UBE2QL1: variants seen among roughly 807,000 people sequenced by gnomAD.
UBE2QL1 encodes ubiquitin conjugating enzyme E2 QL1, also known as ubiquitin-conjugating enzyme E2Q-like protein 1.
Under a neutral mutation model 12.6 loss-of-function variants are expected in UBE2QL1, and 5 were observed. That is an observed-to-expected ratio of 0.40 (90% CI 0.21 to 0.83). The LOEUF (loss-of-function observed/expected upper bound fraction) is 0.83. Ranked by LOEUF, UBE2QL1 falls within the 40% of genes least tolerant of loss-of-function variation. The pLI is 0.37. For missense variants in UBE2QL1, 99 were observed against 222.6 expected (o/e 0.44, Z 3.53); for synonymous variants, 96 against 94.5 (o/e 1.02, Z -0.10).
chr5:6,461,536 A>ACCCCCC (rs1489545549), intron 1 of UBE2QL1, among the ~76,000 whole-genome samples: 7 of 36,218 alleles, frequency 1.9e-4, no homozygotes, highest in Non-Finnish European at 3.4e-4. Flanking sequence ...GTTTTTCAGC[A>ACCCCCC]CCCACCACCC....
intron 1 of UBE2QL1, among the ~76,000 whole-genome samples, chr5:6,470,229 C>T (rs1366241937): frequency 6.6e-6 from 1 of 152,156 alleles, no homozygotes; most frequent in Non-Finnish European, 1.5e-5. Context: ...CATGTGTGTC[C>T]AGGCCTGCAA....
intron 1 of UBE2QL1, among the ~76,000 whole-genome samples, chr5:6,472,161 G>T (rs1560932870): frequency 6.6e-6 from 1 of 152,196 alleles, no homozygotes; most frequent in South Asian, 2.1e-4. Context: ...GTCACTGTGT[G>T]TGTGTCTGGC....
intron 1 of UBE2QL1, among the ~76,000 whole-genome samples, chr5:6,452,815 A>C (rs1739435521): frequency 6.6e-6 from 1 of 152,168 alleles, no homozygotes; most frequent in African/African-American, 2.4e-5. Context: ...GCGTGGGACG[A>C]TGGCGTGACT....
At chr5:6,463,323 TG>T (rs958567911) in intron 1 of UBE2QL1, among the ~76,000 whole-genome samples, 1 of 152,082 alleles carries the variant, frequency 6.6e-6, no homozygotes, top group Non-Finnish European at 1.5e-5. Context: ...AAAGAAAGGC[TG>T]GGGAAAGAAT....
chr5:6,451,914 G>T (rs1159517772), intron 1 of UBE2QL1, among the ~76,000 whole-genome samples: 1 of 152,186 alleles, frequency 6.6e-6, no homozygotes, highest in African/African-American at 2.4e-5. Flanking sequence ...CAAAATACCT[G>T]ATTAGGTATT....
At chr5:6,469,033 C>T (rs565223658) in intron 1 of UBE2QL1, among the ~76,000 whole-genome samples, 3 of 152,328 alleles carry the variant, frequency 2.0e-5, no homozygotes, top group Admixed American at 6.5e-5. Flanking sequence ...ACCAGCCCGC[C>T]GCCTCTGCAT....
At chr5:6,452,119 G>A (rs1560926110) in intron 1 of UBE2QL1, among the ~76,000 whole-genome samples, 1 of 152,166 alleles carries the variant, frequency 6.6e-6, no homozygotes, top group South Asian at 2.1e-4. Flanking sequence ...GTGAATTGAG[G>A]ATACGCTGTT....
intron 1 of UBE2QL1, among the ~76,000 whole-genome samples, chr5:6,484,112 A>T (rs1734418556): frequency 6.6e-6 from 1 of 152,142 alleles, no homozygotes; most frequent in South Asian, 2.1e-4. Flanking sequence ...GTCATGGGGG[A>T]TGCATATGAA....
intron 1 of UBE2QL1, among the ~76,000 whole-genome samples, chr5:6,457,846 C>T (rs769197450): frequency 6.6e-6 from 1 of 152,228 alleles, no homozygotes; most frequent in Non-Finnish European, 1.5e-5. Context: ...AATGCCTCTG[C>T]AGTTCCATGG....
rs1025933770 is a variant in UBE2QL1 at position 6,479,018 on chromosome 5, G to A, written c.355-12200G>A. 2.6e-5 allele frequency among the ~76,000 whole-genome samples: 4 copies of A among 152,098 alleles called. No homozygotes were observed. The highest frequency in any genetic ancestry group is 4.4e-5 in the Non-Finnish European group (3 of 68,012). Reference sequence around the variant, plus strand: ...TGACAGAGCTGCCTGCCCTGGGGGCGTCCCTTCTATCGTGTGCAGCATCAG... The same window carrying A: ...TGACAGAGCTGCCTGCCCTGGGGGCATCCCTTCTATCGTGTGCAGCATCAG... On this transcript the variant is annotated intron_variant, in intron 1 of 1. Transcript: ENST00000399816. This position sits in a 1 kb window ranked among gnomAD's most constrained non-coding sequence, Gnocchi z 4.2.
At chr5:6,457,283 C>T (rs1383992323) in intron 1 of UBE2QL1, among the ~76,000 whole-genome samples, 1 of 151,980 alleles carries the variant, frequency 6.6e-6, no homozygotes, top group Non-Finnish European at 1.5e-5. Context: ...TCCTTAAAAA[C>T]CCTGCCCAGA....
rs1467512790 is a variant in UBE2QL1, at chr5:6,492,094, A to T, written c.*745A>T. On this transcript the variant is annotated 3_prime_UTR_variant, in exon 2 of 2. Coordinates refer to ENST00000399816, the MANE Select transcript of UBE2QL1 (RefSeq NM_001145161.3). The stretch of plus-strand genomic sequence containing the variant: ...CCACCCCTGGCAGACGGTGGCGTAG[A>T]CACCAGGTGCGCCCTCTGGGGCTCA... 1 of 152,250 alleles carries T rather than the reference A, an allele frequency of 6.6e-6. No individual in the cohort carries two copies. The highest frequency in any genetic ancestry group is 2.4e-5 in the African/African-American group (1 of 41,464). 9.4% of individuals were successfully genotyped at this position (152,250 alleles called of 1,614,324 possible).
At chr5:6,480,117 G>C (rs1734329363) in intron 1 of UBE2QL1, among the ~76,000 whole-genome samples, 1 of 152,220 alleles carries the variant, frequency 6.6e-6, no homozygotes, top group African/African-American at 2.4e-5. Context: ...TCAGTATCTT[G>C]TTTGCCTTCT....
chr5:6,454,920 GTTC>G (rs779555454), intron 1 of UBE2QL1, among the ~76,000 whole-genome samples: 5 of 152,092 alleles, frequency 3.3e-5, no homozygotes, highest in African/African-American at 4.8e-5. Flanking sequence ...ATAGCTACTT[GTTC>G]TTCTATCAAG....
At chr5:6,485,578 A>T (rs1198081585) in intron 1 of UBE2QL1, among the ~76,000 whole-genome samples, 1 of 152,212 alleles carries the variant, frequency 6.6e-6, no homozygotes, top group Non-Finnish European at 1.5e-5. Context: ...AACCCATGTC[A>T]GGGAGCTTAA....
At position 6,479,323 on chromosome 5, in the gene UBE2QL1, G is replaced by A. The variant is rs905134474; in HGVS notation, c.355-11895G>A. 7.9e-5 allele frequency among the ~76,000 whole-genome samples: 12 copies of A among 152,146 alleles called. No homozygotes were observed. The highest frequency in any genetic ancestry group is 2.9e-4 in the African/African-American group (12 of 41,434). On this transcript the variant is annotated intron_variant, in intron 1 of 1. Transcript: ENST00000399816. The surrounding 1 kb of genome is among the most constrained non-coding windows in gnomAD (Gnocchi z 4.2). ...GAAGACCAACTGTGCAGGGAAAAGA[G>A]CTGGCCGGATTGTGATCTAAGAGGT...
chr5:6,494,701 A>T lies in UBE2QL1; in HGVS notation c.*3352A>T, dbSNP rs1454433813. The T allele has an allele frequency of 5.3e-5, 8 of 152,322 alleles. No homozygotes were observed. In the South Asian group the frequency reaches 1.7e-3, roughly 32 times the overall value. The allele number at this position is 152,322 out of a possible 1,614,324, so 9.4% of individuals were successfully genotyped here. A position where few individuals can be genotyped will look rare whatever the true frequency, so the allele number is the denominator to read the frequency against. ...TTAATTAGAACCCACTTAGATATCG[A>T]CTCAGAATGATCAATTACAGTGGTT... On this transcript the variant is annotated 3_prime_UTR_variant, in exon 2 of 2. Transcript: ENST00000399816.
chr5:6,489,431 A>AAAAAG (rs113125348), intron 1 of UBE2QL1, among the ~76,000 whole-genome samples: 28,865 of 151,142 alleles, frequency 0.19, 6,108 homozygotes, highest in African/African-American at 0.53. Flanking sequence ...CTGTAAAAAA[A>AAAAAG]AAAAAGAAAA....
chr5:6,449,879 A>C (rs4989110), intron 1 of UBE2QL1, among the ~76,000 whole-genome samples: 27,774 of 76,524 alleles, frequency 0.36, 3,674 homozygotes, highest in Middle Eastern at 0.43. Flanking sequence ...CCCCCCCCAC[A>C]CACACACACA....
Sources: allele counts gnomAD v4.1 joint callset (sites outside exome capture counted in the v4.1 genomes callset), GRCh38; gene constraint gnomAD v4.1.1; non-coding constraint Gnocchi (gnomAD v3.1); transcripts MANE v1.5; gene names NCBI Gene and HGNC (gene_info 2026-07-23, HGNC 2026-07-21).